YARS1: variants seen among roughly 807,000 people sequenced by gnomAD.
YARS1 encodes tyrosine--tRNA ligase, cytoplasmic.
YARS1 carries 36 observed loss-of-function variants against 62.2 expected under a neutral mutation model. The ratio of observed to expected loss-of-function variants is 0.58; its 90% CI spans 0.44 to 0.76. The LOEUF (loss-of-function observed/expected upper bound fraction) is 0.76, where lower values mean the gene tolerates loss of function less well. Among genes scored for constraint, YARS1 ranks in the 30% least tolerant of loss-of-function variants. YARS1 has a pLI of 0.00. For synonymous variants in YARS1, 234 were observed against 244.9 expected (o/e 0.96, Z 0.42); for missense variants, 524 against 639.8 (o/e 0.82, Z 1.95).
intron 3 of YARS1, among the ~76,000 whole-genome samples, chr1:32,808,066 T>C (rs1026848853): frequency 6.6e-6 from 1 of 151,954 alleles, no homozygotes; most frequent in Admixed American, 6.6e-5. Flanking sequence ...CCATGATGCC[T>C]AGCTAATTTT....
chr1:32,779,840 TA>T, intron 11 of YARS1: 1 of 614,552 alleles, frequency 1.6e-6, no homozygotes, highest in East Asian at 2.8e-5. Context: ...TTACTAGTAG[TA>T]AGACTTGGGT....
intron 12 of YARS1, among the ~76,000 whole-genome samples, 195 bp downstream of exon 12, chr1:32,779,187 G>A (rs988487254): frequency 6.6e-6 from 1 of 152,172 alleles, no homozygotes; most frequent in Admixed American, 6.5e-5. Context: ...TGTCGGAGAT[G>A]TAATGCAAGG....
intron 3 of YARS1, among the ~76,000 whole-genome samples, chr1:32,808,624 T>C: frequency 6.6e-6 from 1 of 152,182 alleles, no homozygotes; most frequent in East Asian, 1.9e-4. Flanking sequence ...ATGCCTGTGT[T>C]CTTCACAGGT....
rs1396377760 is a variant in YARS1 at position 32,776,304 on chromosome 1, C to T, written c.1477-213G>A. The stretch of plus-strand genomic sequence containing the variant: ...CTGGGACTACAGGCATGCACCACCA[C>T]GCCCGACTAATTTTGTACTTTTAGT... On this transcript the variant is annotated intron_variant, in intron 12 of 12. Transcript: ENST00000373477. The surrounding 1 kb of genome is among the most constrained non-coding windows in gnomAD (Gnocchi z 4.0). Among the ~76,000 whole-genome samples the T allele has an allele frequency of 7.2e-5, 11 of 152,062 alleles. No individual in the cohort carries two copies. Among genetic ancestry groups the T allele is most frequent in the Non-Finnish European group, 8.8e-5 (6 of 68,014 alleles).
At chr1:32,795,328 AAAAC>A (rs765556400) in intron 5 of YARS1, among the ~76,000 whole-genome samples, 4 of 152,286 alleles carry the variant, frequency 2.6e-5, no homozygotes, top group Non-Finnish European at 2.9e-5. Context: ...CAAAAAACAA[AAAAC>A]AAACAAACAA....
At position 32,817,317 on chromosome 1, in the gene YARS1, T is replaced by G; in HGVS notation, c.-73A>C. 2.5e-6 allele frequency: 4 copies of G among 1,586,808 alleles called. No individual in the cohort carries two copies. Among genetic ancestry groups the G allele is most frequent in the Admixed American group, 3.3e-5 (2 of 59,786 alleles). ...TTCCTGGGTCACCGTCGCCGCCGCG[T>G]GCCGGGAACTGTCACGCGAGTCCAG... On this transcript the variant is annotated 5_prime_UTR_variant, in exon 1 of 13. Coordinates refer to ENST00000373477, the MANE Select transcript of YARS1 (RefSeq NM_003680.4).
At position 32,776,255 on chromosome 1, in the gene YARS1, C is replaced by G. The variant is rs1652855832; in HGVS notation, c.1477-164G>C. 6.6e-6 allele frequency among the ~76,000 whole-genome samples: 1 copy of G among 152,154 alleles called. No individual in the cohort carries two copies. Among genetic ancestry groups the G allele is most frequent in the Admixed American group, 6.5e-5 (1 of 15,278 alleles). ...CTCTGCCTCCCAGGTTCAAGCGATT[C>G]TCCTGCCTGAGCCTTCCGAGTAGCT... is the stretch of plus-strand genomic sequence containing the variant. On this transcript the variant is annotated intron_variant, in intron 12 of 12. Transcript: ENST00000373477. This position sits in a 1 kb window ranked among gnomAD's most constrained non-coding sequence, Gnocchi z 4.0.
intron 3 of YARS1, among the ~76,000 whole-genome samples, chr1:32,808,429 G>C (rs2148615721): frequency 6.6e-6 from 1 of 152,080 alleles, no homozygotes; most frequent in Middle Eastern, 3.4e-3. Context: ...ATGTTGGCCA[G>C]GCTGGTCTTG....
intron 4 of YARS1, among the ~76,000 whole-genome samples, chr1:32,802,467 G>A (rs1430674590): frequency 6.6e-6 from 1 of 151,910 alleles, no homozygotes; most frequent in Non-Finnish European, 1.5e-5. Flanking sequence ...CATCGGAGGA[G>A]TCACTATCTA....
At chr1:32,793,467 A>T (rs1375592280) in intron 5 of YARS1, among the ~76,000 whole-genome samples, 1 of 152,132 alleles carries the variant, frequency 6.6e-6, no homozygotes, top group Non-Finnish European at 1.5e-5. Flanking sequence ...ACATGGTGAA[A>T]TTCCATCTCC....
At chr1:32,779,996 C>T in intron 11 of YARS1, 89 bp downstream of exon 11, 1 of 1,512,484 alleles carries the variant, frequency 6.6e-7, no homozygotes, top group Non-Finnish European at 9.2e-7. Context: ...AGAGCTTCCA[C>T]CTGGTGTGTG....
At chr1:32,804,934 C>G (rs1189144897) in intron 4 of YARS1, among the ~76,000 whole-genome samples, 1 of 152,128 alleles carries the variant, frequency 6.6e-6, no homozygotes, top group South Asian at 2.1e-4. Context: ...GCACTCCAGC[C>G]TGGGCAACAT....
intron 4 of YARS1, among the ~76,000 whole-genome samples, chr1:32,799,502 G>C (rs1653707072): frequency 6.6e-6 from 1 of 152,168 alleles, no homozygotes; most frequent in Non-Finnish European, 1.5e-5. Context: ...TGAGGACGCA[G>C]AGCAAGAATG....
At chr1:32,790,202 T>A (rs1221956458) in intron 6 of YARS1, among the ~76,000 whole-genome samples, 12 of 145,332 alleles carry the variant, frequency 8.3e-5, no homozygotes, top group Non-Finnish European at 1.2e-4. Context: ...TTTTTTTTTT[T>A]AATTTGTATT....
chr1:32,781,275 G>T, intron 9 of YARS1, 130 bp from the exon 10 acceptor site: 1 of 788,472 alleles, frequency 1.3e-6, no homozygotes. Context: ...ACACTGAGTT[G>T]TAACTTCTTT....
At chr1:32,785,910 G>A (rs1315855869) in intron 8 of YARS1, among the ~76,000 whole-genome samples, 14 of 136,406 alleles carry the variant, frequency 1.0e-4, no homozygotes, top group Admixed American at 5.3e-4. Flanking sequence ...TTTTTTTTTA[G>A]TATCTCATGT....
chr1:32,806,253 G>C (rs1195248879), intron 4 of YARS1, among the ~76,000 whole-genome samples: 3 of 152,244 alleles, frequency 2.0e-5, no homozygotes, highest in East Asian at 3.9e-4. Flanking sequence ...TAATGAAAAA[G>C]CTTGAAATAC....
chr1:32,787,749 G>A (rs1298744943), intron 6 of YARS1, among the ~76,000 whole-genome samples: 4 of 151,926 alleles, frequency 2.6e-5, no homozygotes, highest in Admixed American at 1.3e-4. Flanking sequence ...TCCTGACCTC[G>A]TGATCTGCCC....
chr1:32,784,086 C>T (rs999081168), intron 8 of YARS1, among the ~76,000 whole-genome samples: 1 of 151,654 alleles, frequency 6.6e-6, no homozygotes, highest in African/African-American at 2.4e-5. Context: ...CTCAGTGCAG[C>T]TTTGATCTCC....
Sources: gnomAD v4.1 joint callset for allele counts (sites outside exome capture counted in the v4.1 genomes callset) on GRCh38, gnomAD v4.1.1 for gene constraint, Gnocchi (gnomAD v3.1) non-coding constraint, MANE v1.5 for transcripts, NCBI Gene and HGNC (gene_info 2026-07-23, HGNC 2026-07-21) for gene names.